Variants in ATP11A observed in about 807,000 individuals in gnomAD.
ATP11A encodes ATPase phospholipid transporting 11A, also known as phospholipid-transporting ATPase IH.
A neutral mutation model predicts 154.4 loss-of-function variants in ATP11A; 81 were observed. That is an observed-to-expected ratio of 0.52 (90% CI 0.44 to 0.63). The LOEUF (loss-of-function observed/expected upper bound fraction) is 0.63. Among genes scored for constraint, ATP11A ranks in the 30% least tolerant of loss-of-function variants. The pLI is 0.00. For missense variants in ATP11A, 1,316 were observed against 1,474.3 expected (o/e 0.89, Z 1.76); for synonymous variants, 623 against 585.9 (o/e 1.06, Z -0.91).
chr13:112,768,059 G>A (rs544547557), intron 1 of ATP11A, among the ~76,000 whole-genome samples: 18 of 152,320 alleles, frequency 1.2e-4, no homozygotes, highest in African/African-American at 4.3e-4. Flanking sequence ...GTGTCCTCCT[G>A]TTTCTTTCGT....
At chr13:112,698,610 T>G (rs535816982) in intron 1 of ATP11A, among the ~76,000 whole-genome samples, 9 of 152,248 alleles carry the variant, frequency 5.9e-5, no homozygotes, top group Non-Finnish European at 1.0e-4. Context: ...AGATGGAATT[T>G]TAGGCTTTCT....
chr13:112,774,985 G>T (rs1028924626), intron 1 of ATP11A, among the ~76,000 whole-genome samples: 4 of 152,250 alleles, frequency 2.6e-5, no homozygotes, highest in Admixed American at 2.6e-4. Context: ...TTTGTTGTTC[G>T]GTGGGTCCCA....
At chr13:112,749,412 A>G (rs1323850044) in intron 1 of ATP11A, among the ~76,000 whole-genome samples, 1 of 152,262 alleles carries the variant, frequency 6.6e-6, no homozygotes, top group Non-Finnish European at 1.5e-5. Flanking sequence ...TGAATTAACT[A>G]CATTCTCAAA....
chr13:112,755,543 G>A (rs1022830025), intron 1 of ATP11A, among the ~76,000 whole-genome samples: 4 of 152,238 alleles, frequency 2.6e-5, no homozygotes, highest in Non-Finnish European at 5.9e-5. Context: ...CTGCAGCCAA[G>A]GTTAGCCAGA....
Position 112,859,683 on chromosome 13 carries a change from C to T in ATP11A, c.2727+231C>T, listed in dbSNP as rs1458031366. On this transcript the variant is annotated intron_variant, in intron 23 of 29. Transcript: ENST00000375645. This position sits in a 1 kb window ranked among gnomAD's most constrained non-coding sequence, Gnocchi z 4.3. ...CCTTGTTCCATGTCTTCTGAAACTGCCGTGGCCCTGAGATGCGGGCCAGTG... is the reference window on the plus strand; with the variant it reads ...CCTTGTTCCATGTCTTCTGAAACTGTCGTGGCCCTGAGATGCGGGCCAGTG... 6.6e-6 allele frequency among the ~76,000 whole-genome samples: 1 copy of T among 152,216 alleles called. No individual in the cohort carries two copies. Among genetic ancestry groups the T allele is most frequent in the Non-Finnish European group, 1.5e-5 (1 of 68,038 alleles).
At chr13:112,824,674 G>A (rs555804774) in intron 10 of ATP11A, among the ~76,000 whole-genome samples, 95 of 152,252 alleles carry the variant, frequency 6.2e-4, no homozygotes, top group African/African-American at 2.2e-3. Context: ...ACGCCCTGAC[G>A]TTCCGGTTCT....
intron 1 of ATP11A, among the ~76,000 whole-genome samples, chr13:112,773,331 T>A (rs376698751): frequency 6.6e-6 from 1 of 152,162 alleles, no homozygotes; most frequent in Non-Finnish European, 1.5e-5. Flanking sequence ...CCTTCTGTTT[T>A]CATGTATTTT....
chr13:112,798,270 T>C (rs936370346), intron 2 of ATP11A, among the ~76,000 whole-genome samples: 3 of 152,216 alleles, frequency 2.0e-5, no homozygotes, highest in Non-Finnish European at 4.4e-5. Flanking sequence ...TAAGTGAAGG[T>C]AGTAAAATTA....
chr13:112,846,367 A>G (rs539887923), intron 17 of ATP11A, among the ~76,000 whole-genome samples: 2 of 152,062 alleles, frequency 1.3e-5, no homozygotes, highest in South Asian at 4.2e-4. Context: ...TTCTGTTGCC[A>G]TGTCACGAGT....
At position 112,826,830 on chromosome 13, in the gene ATP11A, ACGAGGAGACT is replaced by A. The variant is rs2078946937; in HGVS notation, c.1161_1170del (p.Asp387GlufsTer7). On this transcript the variant is annotated frameshift_variant, in exon 12 of 30. Transcript: ENST00000375645. LOFTEE classifies it high-confidence loss of function. ...ATCACCTGGGACGAAGACATGTTTGACGAGGAGACTGGCGAGGGGCCTCTGGTGAACACGT... is the reference window on the plus strand; with the variant it reads ...ATCACCTGGGACGAAGACATGTTTGAGGCGAGGGGCCTCTGGTGAACACGT... 1 of 1,614,044 alleles carries A rather than the reference ACGAGGAGACT, an allele frequency of 6.2e-7. No individual in the cohort carries two copies.
chr13:112,850,970 C>T (rs1422864235), intron 17 of ATP11A, 67 bp from the exon 18 acceptor site: 55 of 1,480,806 alleles, frequency 3.7e-5, no homozygotes, highest in East Asian at 1.6e-4. Context: ...CTGGGAAGGC[C>T]GTGGAGCGTA....
chr13:112,819,916 A>G lies in ATP11A; in HGVS notation c.691A>G (p.Asn231Asp). ...PDLYKFVGRI[N>D]VYSDLNDPVV... ...TGTCGCCAGGTTCGTGGGTCGCATC[A>G]ACGTTTACAGTGACCTGAATGACCC... The change falls in exon 8 of 30, where the codon AAC becomes GAC. Residue 231 changes from asparagine (N) to aspartate (D), a missense_variant. Asn to Asp is a conservative substitution (Grantham distance 23, BLOSUM62 1). Coordinates refer to ENST00000375645, the MANE Select transcript of ATP11A (RefSeq NM_015205.3). 6.2e-7 allele frequency: 1 copy of G among 1,613,836 alleles called. No individual in the cohort carries two copies. The highest frequency in any genetic ancestry group is 1.1e-5 in the South Asian group (1 of 91,034).
chr13:112,778,049 C>T (rs1031443823), intron 1 of ATP11A, among the ~76,000 whole-genome samples: 2 of 152,186 alleles, frequency 1.3e-5, no homozygotes, highest in African/African-American at 2.4e-5. Flanking sequence ...CCCTGTGGCA[C>T]TCCTTCCTGT....
intron 1 of ATP11A, among the ~76,000 whole-genome samples, chr13:112,716,940 A>ACCTGCC (rs1471388346): frequency 1.3e-5 from 2 of 151,538 alleles, no homozygotes. Flanking sequence ...AGGCCCGTGC[A>ACCTGCC]CTTTCCCTGG....
chr13:112,690,471 G>A lies in ATP11A; in HGVS notation c.39+16G>A. ...GCACAGATACGTGAGTGCTCCCGGC[G>A]CGGGCTGGGGGACCCGGGGACCAGA... On this transcript the variant is annotated intron_variant, in intron 1 of 29. Coordinates refer to ENST00000375645, the MANE Select transcript of ATP11A (RefSeq NM_015205.3). The surrounding 1 kb of genome is among the most constrained non-coding windows in gnomAD (Gnocchi z 5.6). 3 of 1,340,984 alleles carry A rather than the reference G, an allele frequency of 2.2e-6. No homozygotes were observed. The highest frequency in any genetic ancestry group is 2.9e-6 in the Non-Finnish European group (3 of 1,043,562). 83.1% of individuals were successfully genotyped at this position (1,340,984 alleles called of 1,614,324 possible).
intron 23 of ATP11A, 130 bp from the exon 24 acceptor site, chr13:112,860,157 A>G: frequency 9.6e-7 from 1 of 1,040,650 alleles, no homozygotes; most frequent in Non-Finnish European, 1.4e-6. Flanking sequence ...ACCCTAGTTT[A>G]TATTGTTAAG....
At chr13:112,782,655 C>A (rs2077527615) in intron 1 of ATP11A, among the ~76,000 whole-genome samples, 2 of 152,206 alleles carry the variant, frequency 1.3e-5, no homozygotes, top group African/African-American at 4.8e-5. Context: ...AGGGAAGGCC[C>A]CCGTCAGGCA....
chr13:112,862,081 G>A (rs75386851), intron 24 of ATP11A, among the ~76,000 whole-genome samples: 18 of 152,164 alleles, frequency 1.2e-4, no homozygotes, highest in South Asian at 2.1e-4. Context: ...GGCGTAAGGC[G>A]TCACGTCAGG....
rs566330812 is a variant in ATP11A at position 112,709,092 on chromosome 13, G to T, written c.39+18637G>T. ...TGTCCCCAGCCAGCCTGTCTCAGGG[G>T]CCCATGTGGGACTCTTGGCCAGCCC... On this transcript the variant is annotated intron_variant, in intron 1 of 29. Transcript: ENST00000375645. 1.3e-3 allele frequency among the ~76,000 whole-genome samples: 205 copies of T among 152,198 alleles called. 1 individual carries two copies. Among genetic ancestry groups the T allele is most frequent in the Middle Eastern group, 6.8e-3 (2 of 294 alleles).
Sources: allele counts gnomAD v4.1 joint callset (sites outside exome capture counted in the v4.1 genomes callset), GRCh38; gene constraint gnomAD v4.1.1; non-coding constraint Gnocchi (gnomAD v3.1); transcripts MANE v1.5; gene names NCBI Gene and HGNC (gene_info 2026-07-23, HGNC 2026-07-21).